Variants in ATP10B observed in about 807,000 individuals in gnomAD.
ATP10B encodes the protein phospholipid-transporting ATPase VB.
In ATP10B, 122 loss-of-function variants were observed where a neutral mutation model predicts 141.2. That is an observed-to-expected ratio of 0.86 (90% CI 0.75 to 1.00). The LOEUF is 1.00. Among genes scored for constraint, ATP10B ranks in the 50% least tolerant of loss-of-function variants. The pLI is 0.00. For synonymous variants in ATP10B, 685 were observed against 692.0 expected (o/e 0.99, Z 0.16); for missense variants, 1,876 against 1,825.3 (o/e 1.03, Z -0.51).
Position 160,620,869 on chromosome 5 carries a change from T to C in ATP10B, c.1894A>G (p.Ser632Gly). Reference protein sequence around the residue: ...QQLFQKLKLLSLSQSFSSTAP... With the variant: ...QQLFQKLKLLGLSQSFSSTAP... ...GTGGATGAGAATGACTGGCTGAGGC[T>C]CAATAGCTTCAACTTCTGGAAGAGC... The change falls in exon 15 of 26, where the codon AGC becomes GGC. Residue 632 changes from serine (S) to glycine (G), a missense_variant. Physicochemically the swap from Ser to Gly is moderately conservative, Grantham distance 56. Coordinates refer to ENST00000327245, the MANE Select transcript of ATP10B (RefSeq NM_025153.3). 6.2e-7 allele frequency: 1 copy of C among 1,614,192 alleles called. No homozygotes were observed. Among genetic ancestry groups the C allele is most frequent in the South Asian group, 1.1e-5 (1 of 91,084 alleles).
At chr5:160,817,771 A>G (rs1490437291) in intron 1 of ATP10B, among the ~76,000 whole-genome samples, 2 of 152,210 alleles carry the variant, frequency 1.3e-5, no homozygotes, top group Non-Finnish European at 2.9e-5. Context: ...ACATTAACCA[A>G]AACAGCATGG....
At chr5:160,911,991 C>T in the ATP10B span, among the ~76,000 whole-genome samples, 1 of 152,046 alleles carries the variant, frequency 6.6e-6, no homozygotes, top group East Asian at 1.9e-4. Flanking sequence ...AAACACTTTG[C>T]TATGTGTAAA....
chr5:160,683,038 C>CCG (rs1289027686), intron 6 of ATP10B, among the ~76,000 whole-genome samples: 5 of 92,640 alleles, frequency 5.4e-5, no homozygotes, highest in South Asian at 4.1e-4. Context: ...GACTCTGTCC[C>CCG]CCAAAAAAAA....
At chr5:160,866,871 C>T in the ATP10B span, among the ~76,000 whole-genome samples, 3 of 151,864 alleles carry the variant, frequency 2.0e-5, no homozygotes, top group Middle Eastern at 3.2e-3. Flanking sequence ...CCTGTACCCC[C>T]CAAACTGTTA....
intron 13 of ATP10B, among the ~76,000 whole-genome samples, chr5:160,626,190 T>C (rs1758601173): frequency 6.6e-6 from 1 of 152,250 alleles, no homozygotes; most frequent in South Asian, 2.1e-4. Context: ...AAATATACAT[T>C]TGTGGGGCCA....
the ATP10B span, among the ~76,000 whole-genome samples, chr5:160,863,137 C>G: frequency 6.6e-6 from 1 of 152,062 alleles, no homozygotes; most frequent in South Asian, 2.1e-4. Context: ...TTTTCAGCTA[C>G]TTCCATTATG....
chr5:160,768,577 C>G (rs1769655674), intron 2 of ATP10B, among the ~76,000 whole-genome samples: 1 of 152,206 alleles, frequency 6.6e-6, no homozygotes, highest in Admixed American at 6.5e-5. Context: ...TCATTTGCCA[C>G]TATGTTATAA....
Position 160,620,378 on chromosome 5 carries a change from G to T in ATP10B, c.2385C>A (p.Val795=). 1 of 1,613,166 alleles carries T rather than the reference G, an allele frequency of 6.2e-7. No homozygotes were observed. Among genetic ancestry groups the T allele is most frequent in the South Asian group, 1.1e-5 (1 of 90,890 alleles). The change falls in exon 15 of 26, where the codon GTC becomes GTA. Residue 795 remains valine, a synonymous_variant. Transcript: ENST00000327245. ...CTGGGTCTTCCAGCAGGTCCATGAT[G>T]ACCGAGTCAGCACCCTTGGTGTAGA... is the stretch of plus-strand genomic sequence containing the variant. ...IVVYTKGADS[V]IMDLLEDPAC...
At chr5:160,883,558 CAT>C in the ATP10B span, among the ~76,000 whole-genome samples, 3 of 152,060 alleles carry the variant, frequency 2.0e-5, no homozygotes, top group Non-Finnish European at 2.9e-5. Context: ...ACAAAAGTAA[CAT>C]TAGCAGTAAT....
chr5:160,634,686 C>A, intron 11 of ATP10B, 80 bp from the exon 12 acceptor site: 1 of 1,468,252 alleles, frequency 6.8e-7, no homozygotes, highest in Admixed American at 2.4e-5. Flanking sequence ...GTAGCAAAGG[C>A]ATTTCATAGA....
At chr5:160,772,729 T>C (rs1054095279) in intron 2 of ATP10B, among the ~76,000 whole-genome samples, 1 of 152,160 alleles carries the variant, frequency 6.6e-6, no homozygotes, top group Non-Finnish European at 1.5e-5. Context: ...CCTCCTACTA[T>C]GCTGCCCATT....
intron 18 of ATP10B, among the ~76,000 whole-genome samples, chr5:160,611,367 C>A (rs1757711927): frequency 6.6e-6 from 1 of 152,088 alleles, no homozygotes; most frequent in Non-Finnish European, 1.5e-5. Context: ...TCTAGAATTA[C>A]CTGGAGTGAA....
chr5:160,788,077 T>G (rs1052936250), intron 1 of ATP10B, among the ~76,000 whole-genome samples: 1 of 152,192 alleles, frequency 6.6e-6, no homozygotes, highest in African/African-American at 2.4e-5. Flanking sequence ...ATTTGTTACA[T>G]TCCCCTTGCC....
the ATP10B span, among the ~76,000 whole-genome samples, chr5:160,912,586 A>G: frequency 6.6e-6 from 1 of 151,740 alleles, no homozygotes; most frequent in Non-Finnish European, 1.5e-5. Context: ...CCAACAGAGT[A>G]AGCCACTGTC....
chr5:160,565,274 G>C lies in ATP10B; in HGVS notation c.*179C>G. 1 of 635,444 alleles carries C rather than the reference G, an allele frequency of 1.6e-6. No individual in the cohort carries two copies. The highest frequency in any genetic ancestry group is 2.1e-5 in the South Asian group (1 of 47,602). The allele number at this position is 635,444 out of a possible 1,614,324, so 39.4% of individuals were successfully genotyped here. A position where few individuals can be genotyped will look rare whatever the true frequency, so the allele number is the denominator to read the frequency against. ...GCAGCAGAAAACTAGAGGCCGACTG[G>C]GTTTCCCGTCTTTGTGTCAGACCCC... On this transcript the variant is annotated 3_prime_UTR_variant, in exon 26 of 26. Transcript: ENST00000327245.
rs558713698 is a variant in ATP10B at position 160,606,554 on chromosome 5, G to C, written c.3160+211C>G. 3.3e-5 allele frequency among the ~76,000 whole-genome samples: 5 copies of C among 152,208 alleles called. No individual in the cohort carries two copies. The East Asian group carries it at 7.7e-4, about 24-fold the overall frequency. ...CCATCTAAACCCTGATTTATCTTTA[G>C]CTGACTTGCTAGTCCCAAGAACTTT... On this transcript the variant is annotated intron_variant, in intron 19 of 25. Coordinates refer to ENST00000327245, the MANE Select transcript of ATP10B (RefSeq NM_025153.3).
intron 3 of ATP10B, among the ~76,000 whole-genome samples, chr5:160,709,450 G>C (rs1236328858): frequency 1.3e-5 from 2 of 152,106 alleles, no homozygotes; most frequent in African/African-American, 4.8e-5. Flanking sequence ...GTTATTTTCA[G>C]CTTAACTAGT....
chr5:160,579,180 C>T (rs1310012617), intron 24 of ATP10B, among the ~76,000 whole-genome samples: 2 of 152,112 alleles, frequency 1.3e-5, no homozygotes, highest in Non-Finnish European at 2.9e-5. Flanking sequence ...TTAATTAGAT[C>T]CCATTTTCAA....
intron 9 of ATP10B, among the ~76,000 whole-genome samples, chr5:160,643,225 A>T (rs769910586): frequency 2.6e-5 from 4 of 152,256 alleles, no homozygotes. Context: ...CTTATGGTAG[A>T]TGGATATTTA....
Sources: allele counts gnomAD v4.1 joint callset (sites outside exome capture counted in the v4.1 genomes callset), GRCh38; gene constraint gnomAD v4.1.1; transcripts MANE v1.5; gene names NCBI Gene and HGNC (gene_info 2026-07-23, HGNC 2026-07-21).